The following MYH11 variants were observed in gnomAD, a reference collection of about 807,000 sequenced individuals.
MYH11 encodes the protein myosin heavy chain 11.
MYH11 carries 80 observed loss-of-function variants against 246.6 expected under a neutral mutation model. That is an observed-to-expected ratio of 0.32 (90% CI 0.27 to 0.39). The LOEUF (loss-of-function observed/expected upper bound fraction) is 0.39. Ranked by LOEUF, MYH11 falls within the 10% of genes least tolerant of loss-of-function variation. The probability of loss-of-function intolerance (pLI) is 1.00; values close to 1 mark genes in which losing one functional copy is unlikely to be tolerated. For missense variants in MYH11, 2,158 were observed against 2,546.8 expected, an observed-to-expected ratio of 0.85 and a Z score of 3.29; for synonymous variants, 1,071 against 1,015.5, an observed-to-expected ratio of 1.05 and a Z score of -1.04.
intron 4 of MYH11, among the ~76,000 whole-genome samples, chr16:15,795,430 G>A (rs991633124): frequency 1.3e-5 from 2 of 152,026 alleles, no homozygotes; most frequent in Non-Finnish European, 2.9e-5. Flanking sequence ...TGACCAACAT[G>A]ACAAAACCCT....
chr16:15,741,383 C>T, intron 22 of MYH11, 80 bp downstream of exon 22: 2 of 1,465,914 alleles, frequency 1.4e-6, no homozygotes, highest in Non-Finnish European at 1.9e-6. Flanking sequence ...GGACACATAT[C>T]CCTGGATGCA....
intron 12 of MYH11, among the ~76,000 whole-genome samples, chr16:15,758,929 A>C (rs1471654472): frequency 6.6e-6 from 1 of 150,636 alleles, no homozygotes; most frequent in Admixed American, 6.6e-5. Flanking sequence ...GTGACACTGC[A>C]TTCCAGTCTG....
intron 22 of MYH11, among the ~76,000 whole-genome samples, chr16:15,740,495 C>A (rs561574096): frequency 1.3e-5 from 2 of 151,948 alleles, no homozygotes; most frequent in Non-Finnish European, 2.9e-5. Context: ...CCTGTAATCC[C>A]AGCTACTCGG....
intron 2 of MYH11, among the ~76,000 whole-genome samples, chr16:15,829,852 T>G (rs72773904): frequency 0.039 from 5,980 of 152,106 alleles, 171 homozygotes; most frequent in Admixed American, 0.073. Flanking sequence ...CACACAGGGA[T>G]GGCCGGGCGC....
intron 2 of MYH11, among the ~76,000 whole-genome samples, chr16:15,825,769 G>A (rs942314481): frequency 6.6e-6 from 1 of 152,048 alleles, no homozygotes; most frequent in Non-Finnish European, 1.5e-5. Flanking sequence ...TACGTGGTAA[G>A]GCACTATTGT....
chr16:15,757,442 G>T (rs1231098976), intron 13 of MYH11, among the ~76,000 whole-genome samples: 1 of 146,876 alleles, frequency 6.8e-6, no homozygotes, highest in Non-Finnish European at 1.5e-5. Context: ...CAGGGAGGTG[G>T]AGGTTGCAGT....
intron 27 of MYH11, among the ~76,000 whole-genome samples, chr16:15,730,884 C>T (rs1455103111): frequency 6.6e-6 from 1 of 152,240 alleles, no homozygotes. Context: ...CTCCCATACA[C>T]CGCAAAGAGT....
intron 3 of MYH11, among the ~76,000 whole-genome samples, chr16:15,809,871 G>A (rs938291624): frequency 6.8e-6 from 1 of 147,268 alleles, no homozygotes; most frequent in African/African-American, 2.5e-5. Context: ...CAGGTGAGCC[G>A]AGATCACACC....
chr16:15,850,002 G>A (rs1001599900), intron 1 of MYH11, among the ~76,000 whole-genome samples: 1 of 152,204 alleles, frequency 6.6e-6, no homozygotes, highest in Non-Finnish European at 1.5e-5. Context: ...AGAATGTCAG[G>A]TTGCTTTAGT....
Position 15,759,659 on chromosome 16 carries a change from C to T in MYH11, c.1318G>A (p.Val440Met), listed in dbSNP as rs886038900. 3.1e-6 allele frequency: 5 copies of T among 1,614,208 alleles called. No homozygotes were observed. Among genetic ancestry groups the T allele is most frequent in the South Asian group, 1.1e-5 (1 of 91,080 alleles). The change falls in exon 12 of 41, where the codon GTG (valine) becomes ATG (methionine). Residue 440 changes from valine (V) to methionine (M), a missense_variant. By Grantham distance (21) the Val-to-Met change is conservative. This residue lies in a region of MYH11 where 317 missense variants were observed against 507.7 expected (regional missense o/e 0.62). Coordinates refer to ENST00000300036, the MANE Select transcript of MYH11 (RefSeq NM_002474.3). ...ERLFRWILTRVNKALDKTHRQ... is the reference protein window; with the variant it reads ...ERLFRWILTRMNKALDKTHRQ... ...TGGGTCTTGTCCAGGGCTTTGTTCA[C>T]GCGGGTGAGTATCCAGCGGAAAAGG...
intron 13 of MYH11, 65 bp from the exon 14 acceptor site, chr16:15,756,579 T>A (rs965310444): frequency 1.5e-5 from 24 of 1,563,202 alleles, no homozygotes; most frequent in Non-Finnish European, 2.1e-5. Context: ...CATGAAGAGC[T>A]GGCCAACTAT....
At chr16:15,784,168 A>C (rs1271317535) in intron 5 of MYH11, among the ~76,000 whole-genome samples, 1 of 152,068 alleles carries the variant, frequency 6.6e-6, no homozygotes, top group Non-Finnish European at 1.5e-5. Context: ...TGCAAGAGAC[A>C]GACACGCACT....
chr16:15,829,631 G>A (rs147362729), intron 2 of MYH11, among the ~76,000 whole-genome samples: 6 of 152,258 alleles, frequency 3.9e-5, no homozygotes, highest in Middle Eastern at 3.4e-3. Context: ...TGTCCCAGCC[G>A]GCATCTCATG....
intron 2 of MYH11, among the ~76,000 whole-genome samples, chr16:15,830,280 C>T (rs1056366862): frequency 5.9e-5 from 9 of 152,176 alleles, no homozygotes; most frequent in African/African-American, 1.9e-4. Context: ...TGCAATATCA[C>T]GGCTTTCTAA....
At chr16:15,737,838 G>C (rs760561193) in intron 24 of MYH11, among the ~76,000 whole-genome samples, 6 of 152,126 alleles carry the variant, frequency 3.9e-5, no homozygotes, top group Non-Finnish European at 8.8e-5. Flanking sequence ...TGTTGCCCAG[G>C]CTGGAGTGCA....
At chr16:15,814,933 G>A (rs2043230520) in intron 3 of MYH11, among the ~76,000 whole-genome samples, 1 of 152,126 alleles carries the variant, frequency 6.6e-6, no homozygotes, top group South Asian at 2.1e-4. Context: ...AAATTTCACT[G>A]CACATTTTGA....
chr16:15,780,608 G>C (rs1293912840), intron 6 of MYH11, among the ~76,000 whole-genome samples: 1 of 143,908 alleles, frequency 6.9e-6, no homozygotes, highest in Non-Finnish European at 1.5e-5. Context: ...TCAGCCTCCC[G>C]AGTAGCTGGG....
Position 15,782,388 on chromosome 16 carries a change from T to A in MYH11, c.723A>T (p.Arg241=). 1 of 1,613,944 alleles carries A rather than the reference T, an allele frequency of 6.2e-7. No individual in the cohort carries two copies. Among genetic ancestry groups the A allele is most frequent in the Non-Finnish European group, 8.5e-7 (1 of 1,179,836 alleles). Residue 241 remains arginine, a synonymous_variant, in exon 6 of 41, where the codon CGA becomes CGT. Transcript: ENST00000300036. ...TCCATGTGGCTTTGCTACTTACGAATCGTGAGGAGTTGTCGTTCTTCACTG... is the reference window on the plus strand; with the variant it reads ...TCCATGTGGCTTTGCTACTTACGAAACGTGAGGAGTTGTCGTTCTTCACTG... ...AKTVKNDNSS[R]FGKFIRINFD...
At chr16:15,760,472 G>T in intron 11 of MYH11, 68 bp downstream of exon 11, 1 of 1,199,270 alleles carries the variant, frequency 8.3e-7, no homozygotes, top group Non-Finnish European at 1.2e-6. Context: ...TGAGTGAACA[G>T]GTGGATAGAT....
Sources: gnomAD v4.1 joint callset for allele counts (sites outside exome capture counted in the v4.1 genomes callset) on GRCh38, gnomAD v4.1.1 for gene constraint, gnomAD v4.1.1 regional missense constraint, MANE v1.5 for transcripts, NCBI Gene and HGNC (gene_info 2026-07-23, HGNC 2026-07-21) for gene names.